EAPP: variants seen among roughly 807,000 people sequenced by gnomAD.
EAPP encodes E2F-associated phosphoprotein.
A neutral mutation model predicts 34.3 loss-of-function variants in EAPP; 38 were observed. The observed-to-expected ratio is 1.11, with a 90% confidence interval of 0.85 to 1.45. The LOEUF is 1.45. Ranked by LOEUF, EAPP falls within the 40% of genes most tolerant of loss-of-function variation. The pLI, the probability that EAPP is intolerant of heterozygous loss-of-function variation, is 0.00. For synonymous variants in EAPP, 113 were observed against 117.6 expected, an observed-to-expected ratio of 0.96 and a Z score of 0.25; for missense variants, 338 against 343.7, an observed-to-expected ratio of 0.98 and a Z score of 0.13.
At chr14:34,523,039 G>C (rs1879969198) in intron 5 of EAPP, among the ~76,000 whole-genome samples, 1 of 152,078 alleles carries the variant, frequency 6.6e-6, no homozygotes, top group Non-Finnish European at 1.5e-5. Flanking sequence ...AGGATAAGCA[G>C]ATATGGAAGA....
intron 3 of EAPP, among the ~76,000 whole-genome samples, chr14:34,532,568 C>G (rs1396741531): frequency 6.6e-6 from 1 of 152,016 alleles, no homozygotes; most frequent in East Asian, 1.9e-4. Context: ...GGGGAAAAGC[C>G]CTGAGGAGGG....
rs180851354 is a variant in EAPP, at chr14:34,518,029, T to A, written c.582-1443A>T. On this transcript the variant is annotated intron_variant, in intron 5 of 5. Coordinates refer to ENST00000250454, the MANE Select transcript of EAPP (RefSeq NM_018453.4). ...ACCTCGTGATCTGCCTGCTTTAGCC[T>A]CCCAAAGTGCTGGGATTACAGGTGT... is the stretch of plus-strand genomic sequence containing the variant. Among the ~76,000 whole-genome samples, 303 of 152,182 alleles carry A rather than the reference T, an allele frequency of 2.0e-3. 1 individual carries two copies. Among genetic ancestry groups the A allele is most frequent in the African/African-American group, 7.0e-3 (289 of 41,538 alleles).
At chr14:34,536,458 A>ATTTT (rs5807779) in intron 1 of EAPP, 183 bp from the exon 2 acceptor site, 76 of 129,530 alleles carry the variant, frequency 5.9e-4, no homozygotes, top group Middle Eastern at 3.1e-3. Context: ...ATCTTCTTTA[A>ATTTT]TTTTTTTTTT....
chr14:34,525,934 C>T (rs566084357), intron 4 of EAPP, among the ~76,000 whole-genome samples: 4 of 151,908 alleles, frequency 2.6e-5, no homozygotes, highest in South Asian at 2.1e-4. Flanking sequence ...GCAGGAGAAT[C>T]GGTTGAACCC....
At chr14:34,525,598 G>GTCAAA (rs1268601095) in intron 4 of EAPP, among the ~76,000 whole-genome samples, 1 of 152,132 alleles carries the variant, frequency 6.6e-6, no homozygotes, top group African/African-American at 2.4e-5. Flanking sequence ...AACTGACAGA[G>GTCAAA]TCAAGAAGAG....
At chr14:34,532,044 C>A (rs539188109) in intron 3 of EAPP, among the ~76,000 whole-genome samples, 2 of 150,608 alleles carry the variant, frequency 1.3e-5, no homozygotes, top group Non-Finnish European at 3.0e-5. Context: ...CCACTGCACT[C>A]CAGCCTGGGT....
chr14:34,529,914 C>G (rs1880226943), intron 3 of EAPP, among the ~76,000 whole-genome samples: 1 of 151,976 alleles, frequency 6.6e-6, no homozygotes, highest in Non-Finnish European at 1.5e-5. Context: ...TACTTGGGGG[C>G]CTGAGGCAGA....
chr14:34,519,262 C>T (rs1879835200), intron 5 of EAPP, among the ~76,000 whole-genome samples: 1 of 152,120 alleles, frequency 6.6e-6, no homozygotes, highest in East Asian at 1.9e-4. Flanking sequence ...TGGCCAGGTG[C>T]ACTGGCTCAA....
At chr14:34,534,599 T>C (rs576149355) in intron 2 of EAPP, among the ~76,000 whole-genome samples, 2 of 152,314 alleles carry the variant, frequency 1.3e-5, no homozygotes, top group South Asian at 2.1e-4. Flanking sequence ...AAAAATACTT[T>C]TGTAAGTTTG....
chr14:34,529,587 A>C, intron 3 of EAPP, 112 bp from the exon 4 acceptor site: 1 of 897,232 alleles, frequency 1.1e-6, no homozygotes, highest in East Asian at 2.6e-5. Flanking sequence ...TTCCCTAAAA[A>C]GTTAAAAAAG....
chr14:34,533,385 T>C, intron 3 of EAPP, 59 bp downstream of exon 3: 1 of 1,370,752 alleles, frequency 7.3e-7, no homozygotes, highest in South Asian at 1.2e-5. Flanking sequence ...ATCTAATAAT[T>C]GTTAGGTAAA....
chr14:34,524,466 A>ACC lies in EAPP; in HGVS notation c.581+230_581+231insGG, dbSNP rs1207476340. ...GATCTAGATCTAGATACACACAAAA[A>ACC]CTAGCCAGGCATGGTGGTGGCCGCT... On this transcript the variant is annotated intron_variant, in intron 5 of 5. Transcript: ENST00000250454. Among the ~76,000 whole-genome samples the ACC allele has an allele frequency of 5.3e-5, 8 of 151,768 alleles. No individual in the cohort carries two copies. In the East Asian group the frequency reaches 1.6e-3, roughly 29 times the overall value.
intron 5 of EAPP, 34 bp downstream of exon 5, chr14:34,524,657 ATGTGTG>A (rs367795110): frequency 1.1e-5 from 9 of 853,918 alleles, no homozygotes; most frequent in South Asian, 5.8e-5. Context: ...CAAAATATGT[ATGTGTG>A]TGTGTGTGTG....
intron 4 of EAPP, among the ~76,000 whole-genome samples, chr14:34,529,022 A>G (rs919493958): frequency 7.2e-5 from 11 of 151,870 alleles, no homozygotes; most frequent in Non-Finnish European, 1.5e-4. Flanking sequence ...TGTAATCCCA[A>G]CTACTCGGGA....
At chr14:34,524,896 T>A in intron 4 of EAPP, 89 bp from the exon 5 acceptor site, 1 of 996,768 alleles carries the variant, frequency 1.0e-6, no homozygotes, top group Non-Finnish European at 1.6e-6. Context: ...GAACCAGTAC[T>A]ATTCAGAGAA....
At chr14:34,521,653 T>C (rs1357786753) in intron 5 of EAPP, among the ~76,000 whole-genome samples, 2 of 150,540 alleles carry the variant, frequency 1.3e-5, no homozygotes, top group African/African-American at 2.4e-5. Flanking sequence ...TTTTTTTTTT[T>C]AGATGGAGTC....
chr14:34,522,390 A>C (rs992903190), intron 5 of EAPP, among the ~76,000 whole-genome samples: 8 of 152,114 alleles, frequency 5.3e-5, no homozygotes, highest in South Asian at 2.1e-4. Flanking sequence ...CACATATCAC[A>C]GTATTGTGAT....
chr14:34,534,237 A>G lies in EAPP; in HGVS notation c.257-698T>C, dbSNP rs116637265. Among the ~76,000 whole-genome samples, 557 of 151,002 alleles carry G rather than the reference A, an allele frequency of 3.7e-3. 4 individuals are homozygous for G. Among genetic ancestry groups the G allele is most frequent in the African/African-American group, 0.013 (537 of 41,090 alleles). On this transcript the variant is annotated intron_variant, in intron 2 of 5. Coordinates refer to ENST00000250454, the MANE Select transcript of EAPP (RefSeq NM_018453.4). ...AACCTCTGCCACCTGGGTTCAGGTG[A>G]TTCCCCTGCCTGACCTTCCCGAGTA...
At chr14:34,521,858 T>A (rs577562256) in intron 5 of EAPP, among the ~76,000 whole-genome samples, 121 of 152,160 alleles carry the variant, frequency 8.0e-4, no homozygotes, top group Non-Finnish European at 1.6e-3. Context: ...ATGGTCTCGA[T>A]CTCCTGACCT....
Sources: allele counts gnomAD v4.1 joint callset (sites outside exome capture counted in the v4.1 genomes callset), GRCh38; gene constraint gnomAD v4.1.1; transcripts MANE v1.5; gene names NCBI Gene and HGNC (gene_info 2026-07-23, HGNC 2026-07-21).